The following COL24A1 variants were observed in gnomAD, a reference collection of about 807,000 sequenced individuals.
COL24A1 encodes collagen type XXIV alpha 1 chain.
Under a neutral mutation model 253.9 loss-of-function variants are expected in COL24A1, and 224 were observed. The observed-to-expected ratio is 0.88, with a 90% confidence interval of 0.79 to 0.99. COL24A1 has a LOEUF of 0.99. COL24A1 is among the 50% of genes least tolerant of loss of function. The pLI, the probability that COL24A1 is intolerant of heterozygous loss-of-function variation, is 0.00. For missense variants in COL24A1, 2,131 were observed against 2,068.5 expected, an observed-to-expected ratio of 1.03 and a Z score of -0.59; for synonymous variants, 685 against 673.7, an observed-to-expected ratio of 1.02 and a Z score of -0.26.
intron 19 of COL24A1, among the ~76,000 whole-genome samples, chr1:85,998,579 T>C (rs10873740): frequency 0.4 from 60,480 of 152,016 alleles, 12,440 homozygotes; most frequent in East Asian, 0.58. Context: ...AGATAATTCT[T>C]CATTGGTCCC....
chr1:86,134,108 T>G (rs1391509937), intron 2 of COL24A1, among the ~76,000 whole-genome samples: 1 of 152,156 alleles, frequency 6.6e-6, no homozygotes, highest in Admixed American at 6.5e-5. Flanking sequence ...ATTTATCCAT[T>G]TCTTCTAGAT....
At chr1:85,936,157 G>A (rs1168209716) in intron 24 of COL24A1, among the ~76,000 whole-genome samples, 1 of 117,302 alleles carries the variant, frequency 8.5e-6, no homozygotes. Flanking sequence ...CAGGGTCTTG[G>A]TTAGAAAAAA....
chr1:85,889,659 A>G (rs1404991660), intron 31 of COL24A1, 46 bp from the exon 32 acceptor site: 1 of 1,540,416 alleles, frequency 6.5e-7, no homozygotes, highest in Non-Finnish European at 9.0e-7. Context: ...GTGTGTGAAG[A>G]TGTTTTAGAC....
chr1:85,735,473 T>C (rs1218568513), intron 58 of COL24A1, among the ~76,000 whole-genome samples: 1 of 152,114 alleles, frequency 6.6e-6, no homozygotes, highest in African/African-American at 2.4e-5. Context: ...AAAGATGAGT[T>C]ACAAGCTGTA....
At chr1:85,810,338 C>T (rs1187127630) in intron 47 of COL24A1, among the ~76,000 whole-genome samples, 1 of 152,146 alleles carries the variant, frequency 6.6e-6, no homozygotes, top group African/African-American at 2.4e-5. Context: ...AATGCCCCAT[C>T]CCTTTTCTAG....
At chr1:85,777,304 C>T (rs1220957211) in intron 52 of COL24A1, among the ~76,000 whole-genome samples, 1 of 152,090 alleles carries the variant, frequency 6.6e-6, no homozygotes, top group Non-Finnish European at 1.5e-5. Context: ...CCCTTTTCCA[C>T]ACCCTACCCA....
intron 24 of COL24A1, among the ~76,000 whole-genome samples, chr1:85,955,085 G>A (rs553682030): frequency 2.0e-5 from 3 of 152,252 alleles, no homozygotes; most frequent in African/African-American, 4.8e-5. Flanking sequence ...ATCCTGTGCC[G>A]CTATAAGCCG....
At chr1:85,823,821 G>A in intron 43 of COL24A1, 83 bp from the exon 44 acceptor site, 1 of 1,175,824 alleles carries the variant, frequency 8.5e-7, no homozygotes, top group Non-Finnish European at 1.2e-6. Context: ...TAAAATGGTA[G>A]CAAAGTGTTG....
chr1:86,007,697 A>G (rs1439614052), intron 19 of COL24A1, among the ~76,000 whole-genome samples: 2 of 152,202 alleles, frequency 1.3e-5, no homozygotes, highest in African/African-American at 4.8e-5. Flanking sequence ...TATGTAAAAG[A>G]AGTCAATCTA....
intron 52 of COL24A1, among the ~76,000 whole-genome samples, chr1:85,779,733 G>T (rs919305327): frequency 6.6e-6 from 1 of 152,008 alleles, no homozygotes; most frequent in South Asian, 2.1e-4. Context: ...CTGTTACACC[G>T]ATCTGTTTAT....
rs771299423 is a variant in COL24A1, at chr1:86,022,895, A to G, written c.2104-18T>C. On this transcript the variant is annotated intron_variant, in intron 15 of 59. Transcript: ENST00000370571. Reference sequence around the variant, plus strand: ...GAAAGGCCCTACAAAAAAAGGTGACATTTTGTGATATCATAGACAGATTAA... The same window carrying G: ...GAAAGGCCCTACAAAAAAAGGTGACGTTTTGTGATATCATAGACAGATTAA... 1 of 1,609,540 alleles carries G rather than the reference A, an allele frequency of 6.2e-7. No individual in the cohort carries two copies. Among genetic ancestry groups the G allele is most frequent in the Non-Finnish European group, 8.5e-7 (1 of 1,177,588 alleles).
intron 57 of COL24A1, among the ~76,000 whole-genome samples, chr1:85,741,440 C>A (rs7529942): frequency 0.89 from 135,529 of 152,208 alleles, 61,118 homozygotes; most frequent in Non-Finnish European, 0.97. Flanking sequence ...AATACAAGTT[C>A]AAAGTTTGGG....
At chr1:85,756,879 T>C (rs1272484930) in intron 55 of COL24A1, among the ~76,000 whole-genome samples, 4 of 152,096 alleles carry the variant, frequency 2.6e-5, no homozygotes, top group Non-Finnish European at 2.9e-5. Context: ...GCTTTGAAAA[T>C]AAATAAAATT....
At chr1:86,110,857 G>A (rs1705506800) in intron 5 of COL24A1, among the ~76,000 whole-genome samples, 1 of 148,616 alleles carries the variant, frequency 6.7e-6, no homozygotes, top group Non-Finnish European at 1.5e-5. Flanking sequence ...CGCGGCCCAA[G>A]CCTCCCCAGT....
intron 24 of COL24A1, among the ~76,000 whole-genome samples, chr1:85,944,593 TC>T (rs1354472991): frequency 1.5e-5 from 1 of 66,672 alleles, no homozygotes; most frequent in East Asian, 5.3e-4. Context: ...GAGAAGAGAC[TC>T]TTTTTTTTTT....
intron 3 of COL24A1, among the ~76,000 whole-genome samples, chr1:86,115,710 T>G (rs1050718641): frequency 6.6e-6 from 1 of 152,182 alleles, no homozygotes; most frequent in African/African-American, 2.4e-5. Flanking sequence ...GGAATTCAAT[T>G]TAGGGTTTGG....
At chr1:85,848,511 T>C (rs1210295058) in intron 38 of COL24A1, among the ~76,000 whole-genome samples, 1 of 152,180 alleles carries the variant, frequency 6.6e-6, no homozygotes, top group East Asian at 1.9e-4. Flanking sequence ...GGTTTCACCA[T>C]GTTGGCCAGG....
At chr1:85,734,068 A>T (rs1187612375) in intron 59 of COL24A1, among the ~76,000 whole-genome samples, 1 of 148,990 alleles carries the variant, frequency 6.7e-6, no homozygotes, top group African/African-American at 2.5e-5. Flanking sequence ...ATGCCTGGCT[A>T]ATTTTTGGAT....
intron 2 of COL24A1, among the ~76,000 whole-genome samples, chr1:86,139,717 G>T (rs951133081): frequency 6.6e-6 from 1 of 152,046 alleles, no homozygotes; most frequent in Non-Finnish European, 1.5e-5. Context: ...GTCTTGATCA[G>T]TTACATCCCA....
Sources: allele counts gnomAD v4.1 joint callset (sites outside exome capture counted in the v4.1 genomes callset), GRCh38; gene constraint gnomAD v4.1.1; transcripts MANE v1.5; gene names NCBI Gene and HGNC (gene_info 2026-07-23, HGNC 2026-07-21).